The following GHR variants were observed in gnomAD, a reference collection of about 807,000 sequenced individuals.
GHR encodes GH receptor.
Under a neutral mutation model 67.1 loss-of-function variants are expected in GHR, and 35 were observed. The observed-to-expected ratio is 0.52, with a 90% CI of 0.40 to 0.69. The LOEUF (loss-of-function observed/expected upper bound fraction) is 0.69. GHR is among the 30% of genes least tolerant of loss of function. The pLI, the probability that GHR is intolerant of heterozygous loss-of-function variation, is 0.00. For synonymous variants in GHR, 272 were observed against 269.1 expected (o/e 1.01, Z -0.10); for missense variants, 792 against 764.6 (o/e 1.04, Z -0.42).
intron 1 of GHR, among the ~76,000 whole-genome samples, chr5:42,513,785 A>G (rs987766283): frequency 6.6e-6 from 1 of 152,040 alleles, no homozygotes; most frequent in Non-Finnish European, 1.5e-5. Flanking sequence ...TCCGTCTCAA[A>G]AAAAAAAAGC....
chr5:42,540,818 C>A (rs1479899187), intron 1 of GHR, among the ~76,000 whole-genome samples: 1 of 152,172 alleles, frequency 6.6e-6, no homozygotes, highest in African/African-American at 2.4e-5. Context: ...CCCAGTCAGA[C>A]TACCCACTCC....
chr5:42,488,011 T>C (rs982680962), intron 1 of GHR, among the ~76,000 whole-genome samples: 12 of 152,194 alleles, frequency 7.9e-5, no homozygotes, highest in African/African-American at 2.7e-4. Flanking sequence ...TAACATGCTT[T>C]TGCTCTTGCC....
chr5:42,604,871 C>G (rs901416306), intron 2 of GHR, among the ~76,000 whole-genome samples: 6 of 151,902 alleles, frequency 3.9e-5, no homozygotes, highest in Admixed American at 3.3e-4. Context: ...ATTTTTAATT[C>G]TCTGTGAAAT....
At chr5:42,538,365 G>A (rs1323875405) in intron 1 of GHR, among the ~76,000 whole-genome samples, 1 of 152,192 alleles carries the variant, frequency 6.6e-6, no homozygotes, top group Non-Finnish European at 1.5e-5. Context: ...TTGTAGTGCT[G>A]GCTTGGCAGG....
intron 1 of GHR, among the ~76,000 whole-genome samples, chr5:42,436,196 G>A (rs888725099): frequency 1.3e-5 from 2 of 152,186 alleles, no homozygotes; most frequent in Non-Finnish European, 2.9e-5. Context: ...CTGAGGAAAT[G>A]AGACCAAGGG....
At chr5:42,444,111 AAAC>A (rs1054703030) in intron 1 of GHR, among the ~76,000 whole-genome samples, 5 of 152,190 alleles carry the variant, frequency 3.3e-5, no homozygotes, top group African/African-American at 7.2e-5. Flanking sequence ...TCTCTGGATT[AAAC>A]AACAACAACA....
At chr5:42,436,264 A>ATGT (rs1743318621) in intron 1 of GHR, among the ~76,000 whole-genome samples, 1 of 152,056 alleles carries the variant, frequency 6.6e-6, no homozygotes, top group East Asian at 1.9e-4. Flanking sequence ...ATTAAAACAT[A>ATGT]TGTTTTTCTG....
At chr5:42,706,536 A>T in intron 6 of GHR, among the ~76,000 whole-genome samples, 1 of 151,944 alleles carries the variant, frequency 6.6e-6, no homozygotes, top group Admixed American at 6.6e-5. Flanking sequence ...TTGCATTTAA[A>T]CCTTTAATCC....
intron 1 of GHR, among the ~76,000 whole-genome samples, chr5:42,482,977 G>A (rs1245240924): frequency 6.6e-6 from 1 of 152,116 alleles, no homozygotes; most frequent in Non-Finnish European, 1.5e-5. Flanking sequence ...TGTCACTTAT[G>A]CTAGGAGCTG....
At chr5:42,432,940 A>G (rs181307785) in intron 1 of GHR, among the ~76,000 whole-genome samples, 1 of 152,338 alleles carries the variant, frequency 6.6e-6, no homozygotes, top group East Asian at 1.9e-4. Context: ...ATATGGAAGC[A>G]TTGACAAGAA....
intron 1 of GHR, among the ~76,000 whole-genome samples, chr5:42,545,826 A>G (rs1005420490): frequency 6.6e-6 from 1 of 152,202 alleles, no homozygotes; most frequent in African/African-American, 2.4e-5. Context: ...AAATTTAATA[A>G]GGCCCCTAAT....
chr5:42,529,650 C>A (rs1238995887), intron 1 of GHR, among the ~76,000 whole-genome samples: 1 of 152,064 alleles, frequency 6.6e-6, no homozygotes, highest in Non-Finnish European at 1.5e-5. Context: ...ACTGAAGCGC[C>A]CTATCACGGA....
At chr5:42,450,881 T>C (rs1744021270) in intron 1 of GHR, among the ~76,000 whole-genome samples, 1 of 152,342 alleles carries the variant, frequency 6.6e-6, no homozygotes, top group East Asian at 1.9e-4. Flanking sequence ...GATTTCATTG[T>C]TGACCCAAAG....
At chr5:42,619,326 C>T (rs1226718046) in intron 2 of GHR, among the ~76,000 whole-genome samples, 5 of 151,990 alleles carry the variant, frequency 3.3e-5, no homozygotes, top group African/African-American at 1.2e-4. Flanking sequence ...GCCACACATA[C>T]CTCCCTTCTA....
At chr5:42,492,051 A>G (rs906015745) in intron 1 of GHR, among the ~76,000 whole-genome samples, 9 of 152,232 alleles carry the variant, frequency 5.9e-5, no homozygotes, top group African/African-American at 1.4e-4. Context: ...TCTTGCCCAC[A>G]TCATGGACAG....
chr5:42,556,113 G>A (rs956150611), intron 1 of GHR, among the ~76,000 whole-genome samples: 1 of 152,078 alleles, frequency 6.6e-6, no homozygotes, highest in Non-Finnish European at 1.5e-5. Flanking sequence ...TGTTGGACTC[G>A]ATAAAAGGAA....
intron 1 of GHR, among the ~76,000 whole-genome samples, chr5:42,443,952 G>GATAT (rs1439191676): frequency 6.8e-6 from 1 of 146,524 alleles, no homozygotes; most frequent in Non-Finnish European, 1.5e-5. Context: ...TATAGATATA[G>GATAT]ATATAGATAG....
chr5:42,666,276 T>C (rs1036704665), intron 3 of GHR, among the ~76,000 whole-genome samples: 3 of 152,182 alleles, frequency 2.0e-5, no homozygotes, highest in African/African-American at 4.8e-5. Context: ...AGGGTGAAAT[T>C]AATTTTAACA....
At chr5:42,506,386 A>G (rs1315602925) in intron 1 of GHR, among the ~76,000 whole-genome samples, 1 of 152,236 alleles carries the variant, frequency 6.6e-6, no homozygotes, top group Non-Finnish European at 1.5e-5. Context: ...GATAATTTAC[A>G]TGACCAAGAT....
Sources: gnomAD v4.1 joint callset for allele counts (sites outside exome capture counted in the v4.1 genomes callset) on GRCh38, gnomAD v4.1.1 for gene constraint, MANE v1.5 for transcripts, NCBI Gene and HGNC (gene_info 2026-07-23, HGNC 2026-07-21) for gene names.